GALNT2: variants seen among roughly 807,000 people sequenced by gnomAD.
The protein encoded by GALNT2 is polypeptide N-acetylgalactosaminyltransferase 2.
GALNT2 carries 31 observed loss-of-function variants against 81.4 expected under a neutral mutation model. That is an observed-to-expected ratio of 0.38 (90% CI 0.29 to 0.51). The LOEUF is 0.51. Among genes scored for constraint, GALNT2 ranks in the 20% least tolerant of loss-of-function variants. The pLI, the probability that GALNT2 is intolerant of heterozygous loss-of-function variation, is 0.87. For missense variants in GALNT2, 629 were observed against 765.7 expected, an observed-to-expected ratio of 0.82 and a Z score of 2.11; for synonymous variants, 303 against 287.4, an observed-to-expected ratio of 1.05 and a Z score of -0.55.
In GALNT2 at chr1:230,279,470, A is replaced by G; in HGVS notation, c.*12A>G. 1 of 1,612,416 alleles carries G rather than the reference A, an allele frequency of 6.2e-7. No individual in the cohort carries two copies. The highest frequency in any genetic ancestry group is 8.5e-7 in the Non-Finnish European group (1 of 1,179,090). ...ACCTGCAGCAGTAGGAGGGTCCGGGAGGCCCTGCCGTCCTGTCTCCTGCAC... is the reference window on the plus strand; with the variant it reads ...ACCTGCAGCAGTAGGAGGGTCCGGGGGGCCCTGCCGTCCTGTCTCCTGCAC... On this transcript the variant is annotated 3_prime_UTR_variant, in exon 16 of 16. Coordinates refer to ENST00000366672, the MANE Select transcript of GALNT2 (RefSeq NM_004481.5). This position sits in a 1 kb window ranked among gnomAD's most constrained non-coding sequence, Gnocchi z 4.6.
chr1:230,153,604 G>A (rs1662156522), intron 1 of GALNT2, among the ~76,000 whole-genome samples: 1 of 152,234 alleles, frequency 6.6e-6, no homozygotes, highest in African/African-American at 2.4e-5. Flanking sequence ...ACGCCTTCCA[G>A]ATTCACCAAT....
intron 15 of GALNT2, among the ~76,000 whole-genome samples, chr1:230,277,492 C>T (rs1250898836): frequency 1.3e-5 from 2 of 152,326 alleles, no homozygotes; most frequent in East Asian, 3.9e-4. Flanking sequence ...TACATACACA[C>T]TTTACATGAC....
intron 1 of GALNT2, among the ~76,000 whole-genome samples, chr1:230,156,516 C>G (rs1662261763): frequency 6.6e-6 from 1 of 152,142 alleles, no homozygotes; most frequent in Non-Finnish European, 1.5e-5. Context: ...ATTGATTATT[C>G]CTTCATAAAG....
chr1:230,065,137 G>T (rs1659141977), upstream of GALNT2, among the ~76,000 whole-genome samples: 1 of 151,942 alleles, frequency 6.6e-6, no homozygotes, highest in Non-Finnish European at 1.5e-5. Context: ...CATGTATTTT[G>T]GTCTTCCTTT....
chr1:230,148,128 G>A (rs1279429034), intron 1 of GALNT2, among the ~76,000 whole-genome samples: 3 of 152,060 alleles, frequency 2.0e-5, no homozygotes, highest in African/African-American at 4.8e-5. Context: ...TCCCCATCCC[G>A]CTTTAAAGCT....
At chr1:230,188,475 G>A (rs1287309844) in intron 2 of GALNT2, among the ~76,000 whole-genome samples, 1 of 152,212 alleles carries the variant, frequency 6.6e-6, no homozygotes, top group Non-Finnish European at 1.5e-5. Context: ...CCTTAGACAA[G>A]TTAAGGAGTA....
rs140727673 is a variant in GALNT2 at position 230,179,567 on chromosome 1, T to G, written c.220+1256T>G. On this transcript the variant is annotated intron_variant, in intron 2 of 15. Transcript: ENST00000366672. ...CTAATGACATATGATGTTGAGCATC[T>G]TTTCATAGGCTTATTTGCCATCTGT... Among the ~76,000 whole-genome samples, 6 of 152,374 alleles carry G rather than the reference T, an allele frequency of 3.9e-5. No individual in the cohort carries two copies. In the East Asian group the frequency reaches 1.2e-3, roughly 29 times the overall value.
chr1:230,068,643 C>T (rs368282800), intron 1 of GALNT2, among the ~76,000 whole-genome samples: 18 of 152,158 alleles, frequency 1.2e-4, no homozygotes, highest in African/African-American at 4.1e-4. Flanking sequence ...GGTTTGGCTG[C>T]TTCAGAGGTT....
intron 14 of GALNT2, among the ~76,000 whole-genome samples, chr1:230,266,494 T>C (rs1378590439): frequency 6.6e-6 from 1 of 152,226 alleles, no homozygotes; most frequent in Non-Finnish European, 1.5e-5. Context: ...TTAACTTTCT[T>C]TAACTGGAAG....
At chr1:230,241,947 C>T (rs1211399139) in intron 6 of GALNT2, among the ~76,000 whole-genome samples, 1 of 152,190 alleles carries the variant, frequency 6.6e-6, no homozygotes, top group African/African-American at 2.4e-5. Flanking sequence ...TGTTGCTTTT[C>T]ATGTTGGACT....
At chr1:230,197,293 A>C (rs1260985392) in intron 2 of GALNT2, among the ~76,000 whole-genome samples, 1 of 152,102 alleles carries the variant, frequency 6.6e-6, no homozygotes, top group African/African-American at 2.4e-5. Flanking sequence ...CGCTATGGGG[A>C]GGGCGGGAGG....
intron 1 of GALNT2, among the ~76,000 whole-genome samples, chr1:230,118,634 C>A (rs927026127): frequency 6.6e-6 from 1 of 152,080 alleles, no homozygotes; most frequent in Admixed American, 6.6e-5. Context: ...GGCTTCTTCC[C>A]ACCTCTCTCC....
At chr1:230,265,107 G>T in intron 13 of GALNT2, 134 bp from the exon 14 acceptor site, 1 of 1,122,258 alleles carries the variant, frequency 8.9e-7, no homozygotes, top group South Asian at 1.4e-5. Flanking sequence ...GTGGTAGGAA[G>T]AGGCACGATG....
intron 4 of GALNT2, 100 bp downstream of exon 4, chr1:230,236,212 TC>T: frequency 7.4e-7 from 1 of 1,355,674 alleles, no homozygotes; most frequent in South Asian, 1.2e-5. Context: ...GCAGACAGGG[TC>T]TCCTGACTGC....
chr1:230,233,350 C>T (rs1297203572), intron 3 of GALNT2, among the ~76,000 whole-genome samples: 1 of 152,216 alleles, frequency 6.6e-6, no homozygotes, highest in Non-Finnish European at 1.5e-5. Flanking sequence ...CACAGTGGCT[C>T]ACGCCTGTAA....
In GALNT2 at chr1:230,271,517, C is replaced by T. The variant is rs1169708128; in HGVS notation, c.1441-2928C>T. Among the ~76,000 whole-genome samples, 2 of 152,238 alleles carry T rather than the reference C, an allele frequency of 1.3e-5. No individual in the cohort carries two copies. Among genetic ancestry groups the T allele is most frequent in the African/African-American group, 4.8e-5 (2 of 41,460 alleles). ...ACCCCACGGGTTATGGGCTTCCTCC[C>T]ACAAGATGCTTCTACTCCAGATGCC... is the stretch of plus-strand genomic sequence containing the variant. On this transcript the variant is annotated intron_variant, in intron 14 of 15. Coordinates refer to ENST00000366672, the MANE Select transcript of GALNT2 (RefSeq NM_004481.5). This position sits in a 1 kb window ranked among gnomAD's most constrained non-coding sequence, Gnocchi z 4.2.
chr1:230,251,689 G>T (rs528328078), intron 10 of GALNT2, among the ~76,000 whole-genome samples: 2 of 152,192 alleles, frequency 1.3e-5, no homozygotes, highest in Non-Finnish European at 1.5e-5. Flanking sequence ...CCTGTTCCAT[G>T]GGTATCCCCT....
intron 2 of GALNT2, among the ~76,000 whole-genome samples, chr1:230,185,301 T>TGTGCACGCGC (rs58770415): frequency 7.9e-6 from 1 of 126,012 alleles, no homozygotes; most frequent in Non-Finnish European, 1.8e-5. Flanking sequence ...TGTGTGTGTG[T>TGTGCACGCGC]GCGCGCGTGT....
At chr1:230,173,123 G>A (rs746462539) in intron 1 of GALNT2, among the ~76,000 whole-genome samples, 6 of 152,184 alleles carry the variant, frequency 3.9e-5, no homozygotes, top group Non-Finnish European at 8.8e-5. Context: ...CTACCATCTG[G>A]GGTAAGTTAG....
Sources: gnomAD v4.1 joint callset for allele counts (sites outside exome capture counted in the v4.1 genomes callset) on GRCh38, gnomAD v4.1.1 for gene constraint, Gnocchi (gnomAD v3.1) non-coding constraint, MANE v1.5 for transcripts, NCBI Gene and HGNC (gene_info 2026-07-23, HGNC 2026-07-21) for gene names.